ADAM22: variants seen among roughly 807,000 people sequenced by gnomAD.
ADAM22 encodes the protein ADAM metallopeptidase domain 22.
In ADAM22, 65 loss-of-function variants were observed where a neutral mutation model predicts 144.6. The ratio of observed to expected loss-of-function variants is 0.45; its 90% CI spans 0.37 to 0.55. ADAM22 has a LOEUF of 0.55. ADAM22 is among the 20% of genes least tolerant of loss of function. The probability of loss-of-function intolerance (pLI) is 0.00; values close to 1 mark genes in which losing one functional copy is unlikely to be tolerated. For synonymous variants in ADAM22, 391 were observed against 412.6 expected (o/e 0.95, Z 0.63); for missense variants, 974 against 1,184.9 (o/e 0.82, Z 2.61).
At chr7:88,153,369 T>C in intron 21 of ADAM22, 43 bp downstream of exon 21, 2 of 1,514,680 alleles carry the variant, frequency 1.3e-6, no homozygotes, top group Non-Finnish European at 1.8e-6. Flanking sequence ...CTTGGTCAAT[T>C]ACAAGTGTAC....
intron 4 of ADAM22, among the ~76,000 whole-genome samples, chr7:88,081,297 A>C (rs1042674823): frequency 6.6e-6 from 1 of 152,188 alleles, no homozygotes; most frequent in Non-Finnish European, 1.5e-5. Context: ...ACAGCCCTTC[A>C]TGCTAAAAAC....
In ADAM22 at chr7:87,944,888, TTCC is replaced by T. The variant is rs777641260; in HGVS notation, c.246+9710_246+9712del. Among the ~76,000 whole-genome samples, 616 of 112,944 alleles carry T rather than the reference TTCC, an allele frequency of 5.5e-3. 3 individuals are homozygous for T. Among genetic ancestry groups the T allele is most frequent in the Non-Finnish European group, 8.2e-3 (402 of 49,208 alleles). The allele number at this position is 112,944 out of a possible 152,430, so 74.1% of individuals were successfully genotyped here. A position where few individuals can be genotyped will look rare whatever the true frequency, so the allele number is the denominator to read the frequency against. ...CCACACATGAGCTTTAAGTATTCGGTTCCTCCTCCTTCCTTCTTCTTCTTCCTT... is the reference window on the plus strand; with the variant it reads ...CCACACATGAGCTTTAAGTATTCGGTTCCTCCTTCCTTCTTCTTCTTCCTT... On this transcript the variant is annotated intron_variant, in intron 2 of 31. Transcript: ENST00000413139.
intron 3 of ADAM22, among the ~76,000 whole-genome samples, chr7:88,055,118 T>C (rs748726425): frequency 6.6e-5 from 10 of 152,012 alleles, no homozygotes; most frequent in Non-Finnish European, 1.2e-4. Flanking sequence ...TATATATATA[T>C]ATATCTTTTG....
chr7:88,115,517 T>G (rs985321913), intron 6 of ADAM22, among the ~76,000 whole-genome samples: 1 of 151,914 alleles, frequency 6.6e-6, no homozygotes, highest in Non-Finnish European at 1.5e-5. Flanking sequence ...TGTTCTCACA[T>G]GGCAGAGAGA....
intron 25 of ADAM22, among the ~76,000 whole-genome samples, chr7:88,170,663 A>G (rs1256677920): frequency 6.6e-6 from 1 of 151,980 alleles, no homozygotes; most frequent in Non-Finnish European, 1.5e-5. Context: ...TGTGGATGAA[A>G]TAGACTGGCA....
At chr7:88,160,330 A>G (rs1392029003) in intron 22 of ADAM22, among the ~76,000 whole-genome samples, 2 of 152,194 alleles carry the variant, frequency 1.3e-5, no homozygotes, top group African/African-American at 4.8e-5. Context: ...CCATACTGCC[A>G]AAGCAATTTA....
chr7:88,037,626 A>G (rs955841667), intron 3 of ADAM22, among the ~76,000 whole-genome samples: 2 of 150,570 alleles, frequency 1.3e-5, no homozygotes, highest in Non-Finnish European at 3.0e-5. Flanking sequence ...TTTTTTGCCT[A>G]TGGATAAGAG....
At chr7:88,051,028 C>A (rs566528249) in intron 3 of ADAM22, among the ~76,000 whole-genome samples, 1 of 151,916 alleles carries the variant, frequency 6.6e-6, no homozygotes, top group Non-Finnish European at 1.5e-5. Flanking sequence ...TCTTGAATGG[C>A]GATCATTAAA....
intron 4 of ADAM22, among the ~76,000 whole-genome samples, chr7:88,091,255 G>T (rs1819765478): frequency 6.6e-6 from 1 of 152,038 alleles, no homozygotes; most frequent in African/African-American, 2.4e-5. Flanking sequence ...GCTTACTTAA[G>T]GCTACTGATG....
chr7:88,181,358 A>G, intron 27 of ADAM22, 147 bp from the exon 28 acceptor site: 2 of 658,400 alleles, frequency 3.0e-6, no homozygotes, highest in South Asian at 2.0e-5. Flanking sequence ...GAAGACTTTC[A>G]TGTTCTCTTC....
chr7:88,022,314 A>T (rs1451681699), intron 3 of ADAM22, among the ~76,000 whole-genome samples: 1 of 152,226 alleles, frequency 6.6e-6, no homozygotes, highest in East Asian at 1.9e-4. Flanking sequence ...ATGATACCAG[A>T]TGGTTCATGA....
intron 4 of ADAM22, among the ~76,000 whole-genome samples, chr7:88,082,278 A>C (rs1281493438): frequency 1.3e-5 from 2 of 152,240 alleles, no homozygotes; most frequent in African/African-American, 2.4e-5. Context: ...AAAACTGGCT[A>C]GCCATAAGTA....
At chr7:88,109,612 A>G (rs1300495764) in intron 5 of ADAM22, among the ~76,000 whole-genome samples, 1 of 152,030 alleles carries the variant, frequency 6.6e-6, no homozygotes, top group African/African-American at 2.4e-5. Flanking sequence ...CCCTAGGAAT[A>G]TTAAGGCGAT....
intron 7 of ADAM22, among the ~76,000 whole-genome samples, chr7:88,119,829 G>A (rs1167245404): frequency 6.6e-6 from 1 of 152,130 alleles, no homozygotes. Context: ...TGGACATTTA[G>A]GTTGTTTCCG....
At chr7:88,157,324 A>G (rs1457356974) in intron 22 of ADAM22, among the ~76,000 whole-genome samples, 6 of 152,152 alleles carry the variant, frequency 3.9e-5, no homozygotes, top group African/African-American at 1.4e-4. Context: ...GAACAAAGCA[A>G]AGAATTCTGG....
intron 3 of ADAM22, among the ~76,000 whole-genome samples, chr7:88,072,072 G>T (rs1812985656): frequency 6.6e-6 from 1 of 152,176 alleles, no homozygotes; most frequent in Non-Finnish European, 1.5e-5. Context: ...AGGGAAAAGT[G>T]AAAGTTTAAA....
intron 3 of ADAM22, among the ~76,000 whole-genome samples, chr7:88,052,268 C>T (rs554592600): frequency 3.2e-4 from 48 of 150,370 alleles, no homozygotes; most frequent in African/African-American, 1.1e-3. Flanking sequence ...GAGACCGAGT[C>T]GGGCAGATCA....
intron 3 of ADAM22, among the ~76,000 whole-genome samples, chr7:88,054,925 A>G (rs1270765391): frequency 6.6e-6 from 1 of 152,280 alleles, no homozygotes; most frequent in East Asian, 1.9e-4. Flanking sequence ...TCAAAATTCA[A>G]CAATTCGTTG....
At position 88,003,447 on chromosome 7, in the gene ADAM22, T is replaced by C. The variant is rs78310458; in HGVS notation, c.323+25035T>C. On this transcript the variant is annotated intron_variant, in intron 3 of 31. Transcript: ENST00000413139. ...TGCTGCTGCTGCTGCAACTCAGGTATTCCCTGAAACTTATTAGAAAATAGA... is the reference window on the plus strand; with the variant it reads ...TGCTGCTGCTGCTGCAACTCAGGTACTCCCTGAAACTTATTAGAAAATAGA... Among the ~76,000 whole-genome samples, 607 of 152,340 alleles carry C rather than the reference T, an allele frequency of 4.0e-3. 5 individuals carry two copies. Among genetic ancestry groups the C allele is most frequent in the East Asian group, 0.039 (204 of 5,184 alleles).
Sources: gnomAD v4.1 joint callset for allele counts (sites outside exome capture counted in the v4.1 genomes callset) on GRCh38, gnomAD v4.1.1 for gene constraint, MANE v1.5 for transcripts, NCBI Gene and HGNC (gene_info 2026-07-23, HGNC 2026-07-21) for gene names.